DDX10: variants seen among roughly 807,000 people sequenced by gnomAD.
DDX10 encodes probable ATP-dependent RNA helicase DDX10.
A neutral mutation model predicts 104.3 loss-of-function variants in DDX10; 74 were observed. The ratio of observed to expected loss-of-function variants is 0.71; its 90% CI spans 0.59 to 0.86. The LOEUF is 0.86. Ranked by LOEUF, DDX10 falls within the 40% of genes least tolerant of loss-of-function variation. DDX10 has a pLI of 0.00. For missense variants in DDX10, 952 were observed against 1,040.0 expected, an observed-to-expected ratio of 0.92 and a Z score of 1.16; for synonymous variants, 351 against 353.4, an observed-to-expected ratio of 0.99 and a Z score of 0.08.
At chr11:108,689,238 A>G (rs2094248786) in intron 7 of DDX10, among the ~76,000 whole-genome samples, 176 bp downstream of exon 7, 1 of 152,250 alleles carries the variant, frequency 6.6e-6, no homozygotes, top group Non-Finnish European at 1.5e-5. Context: ...CCACAAGGAC[A>G]GAAACTGTGT....
chr11:108,676,415 A>G (rs951296256), intron 3 of DDX10, among the ~76,000 whole-genome samples: 2 of 152,172 alleles, frequency 1.3e-5, no homozygotes, highest in South Asian at 4.1e-4. Flanking sequence ...CTATATAACT[A>G]CAGCAGCTAC....
chr11:108,792,806 A>G (rs1352971252), intron 13 of DDX10, among the ~76,000 whole-genome samples: 6 of 152,154 alleles, frequency 3.9e-5, no homozygotes, highest in Non-Finnish European at 8.8e-5. Context: ...TTCTTGGGGA[A>G]TTACTAATAT....
chr11:108,817,291 C>T (rs1392006607), intron 13 of DDX10, among the ~76,000 whole-genome samples: 5 of 152,076 alleles, frequency 3.3e-5, no homozygotes, highest in African/African-American at 4.8e-5. Context: ...TTATTGCCTT[C>T]CACCCTGCTC....
chr11:108,911,789 T>G (rs891181447), intron 16 of DDX10, among the ~76,000 whole-genome samples: 1 of 152,034 alleles, frequency 6.6e-6, no homozygotes, highest in African/African-American at 2.4e-5. Context: ...CTCGAACTTC[T>G]GAGCTCAAGC....
intron 13 of DDX10, among the ~76,000 whole-genome samples, chr11:108,771,034 A>G (rs1023700373): frequency 2.0e-5 from 3 of 152,184 alleles, no homozygotes; most frequent in Non-Finnish European, 4.4e-5. Context: ...TGTTTGGATA[A>G]AAGCCATTTT....
intron 13 of DDX10, among the ~76,000 whole-genome samples, chr11:108,723,952 T>G (rs570282576): frequency 6.6e-6 from 1 of 152,306 alleles, no homozygotes; most frequent in African/African-American, 2.4e-5. Context: ...TACTTATGAA[T>G]GTTTATGAAA....
At chr11:108,731,825 A>G (rs1458314553) in intron 13 of DDX10, among the ~76,000 whole-genome samples, 1 of 152,148 alleles carries the variant, frequency 6.6e-6, no homozygotes, top group Non-Finnish European at 1.5e-5. Flanking sequence ...ATATAGAAAA[A>G]TCAAATCATA....
intron 13 of DDX10, among the ~76,000 whole-genome samples, chr11:108,778,421 C>G (rs2094373078): frequency 6.6e-6 from 1 of 152,170 alleles, no homozygotes; most frequent in Admixed American, 6.5e-5. Context: ...TTTGACAAAC[C>G]TGACAAAAAC....
At chr11:108,898,612 C>A (rs1365684636) in intron 16 of DDX10, among the ~76,000 whole-genome samples, 2 of 150,138 alleles carry the variant, frequency 1.3e-5, no homozygotes, top group African/African-American at 4.9e-5. Flanking sequence ...TTTCTACACC[C>A]AAGTCAAGTC....
intron 13 of DDX10, among the ~76,000 whole-genome samples, chr11:108,759,999 A>G (rs2094348815): frequency 6.7e-6 from 1 of 149,702 alleles, no homozygotes; most frequent in Non-Finnish European, 1.5e-5. Flanking sequence ...GCATTGATCC[A>G]TGTTAAAAAA....
chr11:108,757,500 A>G (rs1485333566), intron 13 of DDX10, among the ~76,000 whole-genome samples: 4 of 152,116 alleles, frequency 2.6e-5, no homozygotes, highest in African/African-American at 9.7e-5. Context: ...TGCAATAGCT[A>G]GAAGCACTGT....
chr11:108,841,220 G>A, intron 14 of DDX10, 95 bp from the exon 15 acceptor site: 1 of 1,002,316 alleles, frequency 1.0e-6, no homozygotes, highest in African/African-American at 1.6e-5. Flanking sequence ...CAGAAAATGG[G>A]TATCTGCACC....
intron 16 of DDX10, among the ~76,000 whole-genome samples, chr11:108,896,419 T>C (rs1565311973): frequency 6.6e-6 from 1 of 151,918 alleles, no homozygotes; most frequent in Non-Finnish European, 1.5e-5. Flanking sequence ...GTGGAAGGAA[T>C]TGGTTTAGGC....
rs573711637 is a variant in DDX10 at position 108,746,516 on chromosome 11, A to G, written c.1965+23054A>G. 8.5e-5 allele frequency among the ~76,000 whole-genome samples: 13 copies of G among 152,260 alleles called. No individual in the cohort carries two copies. The South Asian group carries it at 2.3e-3, about 27-fold the overall frequency. On this transcript the variant is annotated intron_variant, in intron 13 of 17. Coordinates refer to ENST00000322536, the MANE Select transcript of DDX10 (RefSeq NM_004398.4). ...ATGCTGCTACAAACATTGATGTACA[A>G]ATTCCTCAGTGGACATAATTATTCA... is the stretch of plus-strand genomic sequence containing the variant.
intron 12 of DDX10, among the ~76,000 whole-genome samples, chr11:108,720,237 T>C (rs1387995086): frequency 6.6e-6 from 1 of 152,256 alleles, no homozygotes; most frequent in Non-Finnish European, 1.5e-5. Flanking sequence ...GTTTATTATT[T>C]GTAAGTATAA....
intron 13 of DDX10, among the ~76,000 whole-genome samples, chr11:108,724,067 T>C (rs1486566515): frequency 6.6e-6 from 1 of 152,122 alleles, no homozygotes; most frequent in Non-Finnish European, 1.5e-5. Flanking sequence ...CTTTTGTAGG[T>C]GCACAGTAAA....
chr11:108,848,915 T>C (rs1431749692), intron 15 of DDX10, among the ~76,000 whole-genome samples: 7 of 152,192 alleles, frequency 4.6e-5, no homozygotes, highest in Non-Finnish European at 7.4e-5. Context: ...GCCCATTATA[T>C]GTATGCAGAG....
chr11:108,903,551 A>C (rs1246470060), intron 16 of DDX10, among the ~76,000 whole-genome samples: 2 of 152,218 alleles, frequency 1.3e-5, no homozygotes, highest in Admixed American at 1.3e-4. Context: ...AATACAGTGT[A>C]AGAACTGTTT....
intron 13 of DDX10, among the ~76,000 whole-genome samples, chr11:108,782,611 A>T (rs1160354151): frequency 6.7e-6 from 1 of 149,936 alleles, no homozygotes; most frequent in Non-Finnish European, 1.5e-5. Context: ...AGAAGTAAAT[A>T]TTTTTTTTTT....
Sources: gnomAD v4.1 joint callset for allele counts (sites outside exome capture counted in the v4.1 genomes callset) on GRCh38, gnomAD v4.1.1 for gene constraint, MANE v1.5 for transcripts, NCBI Gene and HGNC (gene_info 2026-07-23, HGNC 2026-07-21) for gene names.